KIAA2012: variants seen among roughly 807,000 people sequenced by gnomAD.
KIAA2012 encodes the protein uncharacterized protein KIAA2012.
Under a neutral mutation model 150.6 loss-of-function variants are expected in KIAA2012, and 125 were observed. That is an observed-to-expected ratio of 0.83 (90% CI 0.72 to 0.96). The LOEUF (loss-of-function observed/expected upper bound fraction) is 0.96. KIAA2012 is among the 40% of genes least tolerant of loss of function. The pLI is 0.00. For synonymous variants in KIAA2012, 462 were observed against 504.7 expected, an observed-to-expected ratio of 0.92 and a Z score of 1.13; for missense variants, 1,219 against 1,354.9, an observed-to-expected ratio of 0.90 and a Z score of 1.57.
chr2:202,081,014 C>T (rs1689439999), intron 2 of KIAA2012, among the ~76,000 whole-genome samples: 1 of 152,196 alleles, frequency 6.6e-6, no homozygotes, highest in Non-Finnish European at 1.5e-5. Flanking sequence ...CCCTCTGCCA[C>T]CAGCCCCTGC....
At chr2:202,173,709 TG>T (rs1262262241) in intron 15 of KIAA2012, among the ~76,000 whole-genome samples, 1 of 152,256 alleles carries the variant, frequency 6.6e-6, no homozygotes, top group Non-Finnish European at 1.5e-5. Flanking sequence ...CAACTGAATT[TG>T]GTTTATCACA....
At chr2:202,182,108 C>CTTTTT (rs754494077) in intron 15 of KIAA2012, among the ~76,000 whole-genome samples, 35 of 104,090 alleles carry the variant, frequency 3.4e-4, no homozygotes, top group Non-Finnish European at 4.5e-4. Flanking sequence ...TTTCTTTATT[C>CTTTTT]TTTTTTTTTT....
rs962877290 is a variant in KIAA2012 at position 202,146,668 on chromosome 2, G to T, written c.1909-8005G>T. ...AAAAAAAAAAGCCAGGTGTGTTGGT[G>T]CATATCTGTAGTCCCAGCTACTCAG... On this transcript the variant is annotated intron_variant, in intron 13 of 23. Transcript: ENST00000498697. 5.4e-5 allele frequency among the ~76,000 whole-genome samples: 8 copies of T among 148,560 alleles called. No homozygotes were observed. In the South Asian group the frequency reaches 1.7e-3, roughly 32 times the overall value.
At chr2:202,147,173 C>T (rs2105948633) in intron 13 of KIAA2012, among the ~76,000 whole-genome samples, 1 of 152,320 alleles carries the variant, frequency 6.6e-6, no homozygotes, top group African/African-American at 2.4e-5. Context: ...TTCCCATCCC[C>T]AACCCCCAAT....
intron 15 of KIAA2012, among the ~76,000 whole-genome samples, chr2:202,179,014 C>T (rs1174394246): frequency 1.3e-5 from 2 of 152,190 alleles, no homozygotes; most frequent in Admixed American, 6.5e-5. Context: ...ATAACATCTT[C>T]AAATAAAACT....
At chr2:202,101,506 G>A (rs1690043094) in intron 7 of KIAA2012, among the ~76,000 whole-genome samples, 1 of 152,244 alleles carries the variant, frequency 6.6e-6, no homozygotes, top group Non-Finnish European at 1.5e-5. Flanking sequence ...CAGAGGAAAG[G>A]AGTCCCTTCC....
chr2:202,149,231 A>G (rs781753387), intron 13 of KIAA2012, among the ~76,000 whole-genome samples: 8 of 152,142 alleles, frequency 5.3e-5, no homozygotes, highest in Non-Finnish European at 8.8e-5. Context: ...AGGACAGACT[A>G]TCAGCCAACG....
At position 202,075,195 on chromosome 2, in the gene KIAA2012, G is replaced by A. The variant is rs1689300699; in HGVS notation, c.369+20G>A. The A allele has an allele frequency of 6.6e-7, 1 of 1,522,360 alleles. No homozygotes were observed. The highest frequency in any genetic ancestry group is 8.8e-7 in the Non-Finnish European group (1 of 1,136,820). The allele number at this position is 1,522,360 out of a possible 1,614,324, so 94.3% of individuals were successfully genotyped here. On this transcript the variant is annotated intron_variant, in intron 2 of 23. Transcript: ENST00000498697. ...CAGCAGGTAGGCAGAACGCTCCCTT[G>A]GGTTTGGGGAAGGTGCTGGTAGCAT...
chr2:202,161,569 C>T (rs972569617), intron 14 of KIAA2012, among the ~76,000 whole-genome samples: 1 of 152,022 alleles, frequency 6.6e-6, no homozygotes, highest in African/African-American at 2.4e-5. Flanking sequence ...ATGCTGCTTC[C>T]TCTGCTTGGA....
At chr2:202,091,070 A>G in intron 3 of KIAA2012, 141 bp downstream of exon 3, 1 of 1,103,064 alleles carries the variant, frequency 9.1e-7, no homozygotes, top group Non-Finnish European at 1.3e-6. Flanking sequence ...CACGCTTGGT[A>G]GCCCACAAGC....
intron 1 of KIAA2012, 45 bp downstream of exon 1, chr2:202,073,756 G>C: frequency 6.6e-7 from 1 of 1,505,366 alleles, no homozygotes; most frequent in Non-Finnish European, 9.0e-7. Context: ...AGGTGGGAGA[G>C]GAATGCTCTA....
At chr2:202,100,509 G>A in intron 7 of KIAA2012, 60 bp downstream of exon 7, 1 of 1,476,948 alleles carries the variant, frequency 6.8e-7, no homozygotes, top group Non-Finnish European at 9.1e-7. Context: ...AAGAGAGAAA[G>A]TTTAATCCTA....
chr2:202,172,148 G>C (rs1691907035), intron 15 of KIAA2012, among the ~76,000 whole-genome samples: 2 of 152,244 alleles, frequency 1.3e-5, no homozygotes, highest in South Asian at 4.1e-4. Flanking sequence ...TATGAAGCAA[G>C]ACGTAATGCT....
In KIAA2012 at chr2:202,105,778, T is replaced by C; in HGVS notation, c.1342T>C (p.Ser448Pro). ...AHRRGAPHPE[S>P]EPESSEESTP... ...TCTCCTAGGTGCTCCACACCCTGAG[T>C]CAGAACCAGAAAGCAGCGAAGAATC... Residue 448 changes from serine to proline, a missense_variant, in exon 9 of 24, where the codon TCA becomes CCA. Ser to Pro is a moderately conservative substitution (Grantham distance 74). Transcript: ENST00000498697. The C allele has an allele frequency of 6.4e-7, 1 of 1,550,476 alleles. No individual in the cohort carries two copies.
chr2:202,084,716 T>C (rs578260142), intron 2 of KIAA2012, among the ~76,000 whole-genome samples: 69 of 152,284 alleles, frequency 4.5e-4, no homozygotes, highest in African/African-American at 1.5e-3. Flanking sequence ...AGGATAACTT[T>C]AGGGAAGAAC....
At chr2:202,123,294 C>A (rs1425790746) in intron 11 of KIAA2012, among the ~76,000 whole-genome samples, 1 of 152,186 alleles carries the variant, frequency 6.6e-6, no homozygotes, top group East Asian at 1.9e-4. Flanking sequence ...TTCAACCACC[C>A]ACCACTCAAT....
At chr2:202,143,607 A>G (rs1691244074) in intron 13 of KIAA2012, among the ~76,000 whole-genome samples, 1 of 151,116 alleles carries the variant, frequency 6.6e-6, no homozygotes, top group Non-Finnish European at 1.5e-5. Context: ...ATAAGGAAAG[A>G]CAGATCATGA....
intron 13 of KIAA2012, among the ~76,000 whole-genome samples, chr2:202,150,480 G>A (rs1453749714): frequency 5.3e-5 from 8 of 150,622 alleles, no homozygotes; most frequent in Non-Finnish European, 1.2e-4. Context: ...ACAGAGTCTC[G>A]CTCTGTCGCC....
At chr2:202,105,723 G>A (rs1011906927) in intron 8 of KIAA2012, 38 bp from the exon 9 acceptor site, 86 of 1,541,306 alleles carry the variant, frequency 5.6e-5, no homozygotes, top group Non-Finnish European at 6.9e-5. Context: ...AAAAACAACA[G>A]ACCTCTGCTA....
Sources: gnomAD v4.1 joint callset for allele counts (sites outside exome capture counted in the v4.1 genomes callset) on GRCh38, gnomAD v4.1.1 for gene constraint, MANE v1.5 for transcripts, NCBI Gene and HGNC (gene_info 2026-07-23, HGNC 2026-07-21) for gene names.